RFTN1: variants seen among roughly 807,000 people sequenced by gnomAD.
RFTN1 encodes raftlin, lipid raft linker 1, also known as raftlin.
A neutral mutation model predicts 46.5 loss-of-function variants in RFTN1; 26 were observed. The ratio of observed to expected loss-of-function variants is 0.56; its 90% CI spans 0.41 to 0.78. RFTN1 has a LOEUF of 0.78. RFTN1 is among the 30% of genes least tolerant of loss of function. The pLI, the probability that RFTN1 is intolerant of heterozygous loss-of-function variation, is 0.00. For missense variants in RFTN1, 693 were observed against 718.7 expected, an observed-to-expected ratio of 0.96 and a Z score of 0.41; for synonymous variants, 261 against 284.2, an observed-to-expected ratio of 0.92 and a Z score of 0.82.
At position 16,499,549 on chromosome 3, in the gene RFTN1, C is replaced by T. The variant is rs1400637051; in HGVS notation, c.-8-5672G>A. The stretch of plus-strand genomic sequence containing the variant: ...TTCTGCCTCAGTCAAGCTGCTGATG[C>T]CATGTTAAGCAAAGACAAGCTGTTT... On this transcript the variant is annotated intron_variant, in intron 1 of 9. Transcript: ENST00000334133. The surrounding 1 kb of genome is among the most constrained non-coding windows in gnomAD (Gnocchi z 4.9). 1.3e-5 allele frequency among the ~76,000 whole-genome samples: 2 copies of T among 152,226 alleles called. No homozygotes were observed. Among genetic ancestry groups the T allele is most frequent in the African/African-American group, 2.4e-5 (1 of 41,462 alleles).
At chr3:16,339,546 C>G (rs565710624) in intron 7 of RFTN1, 1 of 152,306 alleles carries the variant, frequency 6.6e-6, no homozygotes, top group East Asian at 1.9e-4. Context: ...GATGCGCTGC[C>G]GGGTCCCCAT....
At chr3:16,482,353 C>G (rs1436103513) in intron 2 of RFTN1, among the ~76,000 whole-genome samples, 9 of 152,222 alleles carry the variant, frequency 5.9e-5, no homozygotes. Context: ...AATGCTCAAC[C>G]ACTCAGTCTA....
At chr3:16,471,896 A>G (rs1003044147) in intron 2 of RFTN1, 4 of 152,198 alleles carry the variant, frequency 2.6e-5, no homozygotes, top group African/African-American at 9.7e-5. Flanking sequence ...AAAATTTTAC[A>G]TGAGTGTTTT....
intron 3 of RFTN1, among the ~76,000 whole-genome samples, chr3:16,430,202 G>T (rs567338065): frequency 6.6e-6 from 1 of 152,046 alleles, no homozygotes; most frequent in African/African-American, 2.4e-5. Context: ...CCTCCAGCTC[G>T]TGGGCTCAAG....
At chr3:16,485,452 G>A (rs1264855567) in intron 2 of RFTN1, among the ~76,000 whole-genome samples, 1 of 152,016 alleles carries the variant, frequency 6.6e-6, no homozygotes, top group African/African-American at 2.4e-5. Context: ...ACAACAGCAA[G>A]GACTCCATAC....
In RFTN1 at chr3:16,422,775, A is replaced by G. The variant is rs182070799; in HGVS notation, c.332+11076T>C. 6.6e-6 allele frequency among the ~76,000 whole-genome samples: 1 copy of G among 152,260 alleles called. No homozygotes were observed. ...GGAATAGATTGGGATGTACATATAG[A>G]AATCCTAACTATAATAAAGGTGGCA... On this transcript the variant is annotated intron_variant, in intron 3 of 9. Coordinates refer to ENST00000334133, the MANE Select transcript of RFTN1 (RefSeq NM_015150.2). This position sits in a 1 kb window ranked among gnomAD's most constrained non-coding sequence, Gnocchi z 4.6.
rs201677703 is a variant in RFTN1 at position 16,433,889 on chromosome 3, C to T, written c.294G>A (p.Glu98=). ...PTHEREKTPL[E]HIFRAILIKK... is the part of the protein sequence containing the mutation. ...TGATCAGGATGGCTCTAAAGATGTG[C>T]TCCAGGGGCGTCTTCTCCCGCTCAT... is the stretch of plus-strand genomic sequence containing the variant. The change falls in exon 3 of 10, where the codon GAG becomes GAA. Residue 98 remains glutamate (E), a synonymous_variant. Coordinates refer to ENST00000334133, the MANE Select transcript of RFTN1 (RefSeq NM_015150.2). This position sits in a 1 kb window ranked among gnomAD's most constrained non-coding sequence, Gnocchi z 4.4. The T allele has an allele frequency of 6.2e-7, 1 of 1,614,208 alleles. No individual in the cohort carries two copies. Among genetic ancestry groups the T allele is most frequent in the Non-Finnish European group, 8.5e-7 (1 of 1,180,042 alleles).
chr3:16,505,812 A>G (rs1488938176), intron 1 of RFTN1, among the ~76,000 whole-genome samples: 1 of 152,228 alleles, frequency 6.6e-6, no homozygotes, highest in African/African-American at 2.4e-5. Flanking sequence ...AAAAAATGAC[A>G]TAAAATTAAC....
In RFTN1 at chr3:16,338,432, C is replaced by T. The variant is rs527936078; in HGVS notation, c.1147-11556G>A. Among the ~76,000 whole-genome samples, 1 of 152,378 alleles carries T rather than the reference C, an allele frequency of 6.6e-6. No homozygotes were observed. Among genetic ancestry groups the T allele is most frequent in the South Asian group, 2.1e-4 (1 of 4,830 alleles). The stretch of plus-strand genomic sequence containing the variant: ...GTTAAGCAACACAAAGCTGCCACAT[C>T]CTGTCAGCTGCTCATCGGGACCACG... On this transcript the variant is annotated intron_variant, in intron 7 of 9. Coordinates refer to ENST00000334133, the MANE Select transcript of RFTN1 (RefSeq NM_015150.2). This position sits in a 1 kb window ranked among gnomAD's most constrained non-coding sequence, Gnocchi z 5.3.
intron 4 of RFTN1, among the ~76,000 whole-genome samples, chr3:16,397,379 G>A (rs559576804): frequency 4.4e-4 from 67 of 152,292 alleles, no homozygotes; most frequent in Admixed American, 3.3e-3. Flanking sequence ...CAAAGGGTAC[G>A]AAATTGAAGA....
intron 6 of RFTN1, among the ~76,000 whole-genome samples, chr3:16,367,932 G>C (rs934304686): frequency 6.6e-6 from 1 of 152,110 alleles, no homozygotes; most frequent in African/African-American, 2.4e-5. Context: ...TCCTAAGAGG[G>C]GAAGAAATTC....
At chr3:16,490,307 C>A (rs1301573089) in intron 2 of RFTN1, among the ~76,000 whole-genome samples, 1 of 152,170 alleles carries the variant, frequency 6.6e-6, no homozygotes, top group East Asian at 1.9e-4. Flanking sequence ...CAAGAAGGAA[C>A]AAATCCAGGT....
chr3:16,469,232 T>A (rs1311486826), intron 2 of RFTN1, among the ~76,000 whole-genome samples: 1 of 152,246 alleles, frequency 6.6e-6, no homozygotes, highest in South Asian at 2.1e-4. Flanking sequence ...AATCATAGTA[T>A]ATACTTCACT....
At chr3:16,485,402 G>GCAAGGACTCCATATATACAACAA (rs1269696049) in intron 2 of RFTN1, among the ~76,000 whole-genome samples, 8 of 150,726 alleles carry the variant, frequency 5.3e-5, no homozygotes, top group Non-Finnish European at 1.2e-4. Flanking sequence ...ATATACAACA[G>GCAAGGACTCCATATATACAACAA]CAAGGACTCC....
intron 4 of RFTN1, among the ~76,000 whole-genome samples, chr3:16,398,278 C>CAAAAAAA (rs2074522765): frequency 7.5e-6 from 1 of 133,974 alleles, no homozygotes; most frequent in Non-Finnish European, 1.6e-5. Flanking sequence ...AAAAAAGAAG[C>CAAAAAAA]ATCATGACTC....
intron 4 of RFTN1, among the ~76,000 whole-genome samples, chr3:16,394,630 T>C (rs979251117): frequency 1.3e-5 from 2 of 152,200 alleles, no homozygotes; most frequent in Non-Finnish European, 2.9e-5. Context: ...TTCTTGAGTG[T>C]TGGTTACTCA....
At chr3:16,445,481 T>TCCCACACACACA (rs752631378) in intron 2 of RFTN1, among the ~76,000 whole-genome samples, 2 of 54,960 alleles carry the variant, frequency 3.6e-5, no homozygotes, top group African/African-American at 1.5e-4. Context: ...TCTCTCTCTC[T>TCCCACACACACA]CTCACACACA....
intron 2 of RFTN1, among the ~76,000 whole-genome samples, chr3:16,476,966 TC>T (rs761786815): frequency 1.3e-5 from 2 of 152,200 alleles, no homozygotes; most frequent in Non-Finnish European, 2.9e-5. Context: ...CACCAAGATT[TC>T]CCATTTTCTC....
At chr3:16,415,146 G>A (rs2075049725) in intron 3 of RFTN1, among the ~76,000 whole-genome samples, 1 of 151,974 alleles carries the variant, frequency 6.6e-6, no homozygotes, top group Non-Finnish European at 1.5e-5. Flanking sequence ...AGAAGTGCTG[G>A]GTTCCAGTTA....
Sources: gnomAD v4.1 joint callset for allele counts (sites outside exome capture counted in the v4.1 genomes callset) on GRCh38, gnomAD v4.1.1 for gene constraint, Gnocchi (gnomAD v3.1) non-coding constraint, MANE v1.5 for transcripts, NCBI Gene and HGNC (gene_info 2026-07-23, HGNC 2026-07-21) for gene names.